Variants in ESRRG observed in about 807,000 individuals in gnomAD.
The protein encoded by ESRRG is estrogen related receptor gamma, also known as estrogen-related receptor gamma.
In ESRRG, 13 loss-of-function variants were observed where a neutral mutation model predicts 44.0. That is an observed-to-expected ratio of 0.30 (90% CI 0.19 to 0.47). The LOEUF is 0.47. Among genes scored for constraint, ESRRG ranks in the 20% least tolerant of loss-of-function variants. The pLI, the probability that ESRRG is intolerant of heterozygous loss-of-function variation, is 1.00. For missense variants in ESRRG, 395 were observed against 580.6 expected, an observed-to-expected ratio of 0.68 and a Z score of 3.29; for synonymous variants, 215 against 214.6, an observed-to-expected ratio of 1.00 and a Z score of -0.02.
chr1:216,704,305 G>A (rs574248747), intron 1 of ESRRG, among the ~76,000 whole-genome samples: 2 of 152,224 alleles, frequency 1.3e-5, no homozygotes, highest in African/African-American at 4.8e-5. Flanking sequence ...CCTGAGGTCA[G>A]GCGTTCAAGA....
chr1:217,132,237 C>T (rs1240273529), intron 1 of ESRRG, among the ~76,000 whole-genome samples: 3 of 152,124 alleles, frequency 2.0e-5, no homozygotes, highest in African/African-American at 4.8e-5. Context: ...TCCAGTGATC[C>T]TCCTGCCTTG....
intron 2 of ESRRG, among the ~76,000 whole-genome samples, chr1:216,937,293 G>C (rs1023144428): frequency 2.0e-5 from 3 of 152,112 alleles, no homozygotes; most frequent in African/African-American, 7.2e-5. Context: ...TGCCAAAAAG[G>C]TATTAAAGTA....
chr1:217,025,219 T>G (rs1334442095), intron 1 of ESRRG, among the ~76,000 whole-genome samples: 1 of 152,198 alleles, frequency 6.6e-6, no homozygotes, highest in Admixed American at 6.5e-5. Context: ...GCTTTTGTTT[T>G]CTGAAAACAA....
At chr1:216,992,897 C>A (rs2075920741) in intron 1 of ESRRG, among the ~76,000 whole-genome samples, 1 of 152,208 alleles carries the variant, frequency 6.6e-6, no homozygotes, top group African/African-American at 2.4e-5. Flanking sequence ...AGTCACTACA[C>A]AATGTCACCT....
chr1:216,764,667 T>A (rs1037144989), intron 2 of ESRRG, among the ~76,000 whole-genome samples: 4 of 152,084 alleles, frequency 2.6e-5, no homozygotes, highest in African/African-American at 4.8e-5. Flanking sequence ...TGGGACATAG[T>A]TGATTGTTAT....
At chr1:217,048,483 C>G (rs944060431) in intron 1 of ESRRG, among the ~76,000 whole-genome samples, 1 of 152,114 alleles carries the variant, frequency 6.6e-6, no homozygotes, top group Non-Finnish European at 1.5e-5. Context: ...GGCTGCATGA[C>G]CAGGCCAACA....
intron 1 of ESRRG, among the ~76,000 whole-genome samples, chr1:217,110,854 T>C (rs1398868108): frequency 6.6e-6 from 1 of 152,174 alleles, no homozygotes; most frequent in Non-Finnish European, 1.5e-5. Context: ...TGGCTTATTA[T>C]ATTGCTGACC....
chr1:216,580,989 G>A (rs1236687428), intron 3 of ESRRG, among the ~76,000 whole-genome samples: 1 of 152,182 alleles, frequency 6.6e-6, no homozygotes, highest in Non-Finnish European at 1.5e-5. Context: ...ATTGCATTAG[G>A]AAAAGATCAA....
At chr1:216,821,736 AT>A (rs1174595739) in intron 2 of ESRRG, among the ~76,000 whole-genome samples, 26 of 147,210 alleles carry the variant, frequency 1.8e-4, no homozygotes, top group Non-Finnish European at 3.1e-4. Flanking sequence ...AAATAAATAA[AT>A]AAATAAAATT....
At chr1:216,813,196 G>C (rs944212575) in intron 2 of ESRRG, among the ~76,000 whole-genome samples, 1 of 152,130 alleles carries the variant, frequency 6.6e-6, no homozygotes, top group Non-Finnish European at 1.5e-5. Flanking sequence ...TGTTAAACAC[G>C]TGATATGATC....
intron 1 of ESRRG, among the ~76,000 whole-genome samples, chr1:217,030,521 C>T (rs974685030): frequency 2.0e-5 from 3 of 152,182 alleles, no homozygotes; most frequent in Non-Finnish European, 4.4e-5. Context: ...GCTGTGTGAC[C>T]TTGAGCATAC....
chr1:217,102,717 A>G (rs539691221), intron 1 of ESRRG, among the ~76,000 whole-genome samples: 39 of 152,226 alleles, frequency 2.6e-4, no homozygotes, highest in Non-Finnish European at 5.4e-4. Context: ...TTTCTAATCC[A>G]TCATTCACAG....
chr1:216,636,902 A>T (rs535640492), intron 3 of ESRRG, among the ~76,000 whole-genome samples: 2 of 152,322 alleles, frequency 1.3e-5, no homozygotes, highest in South Asian at 2.1e-4. Context: ...TTTCTTAGGC[A>T]CCCAGGGTTT....
At chr1:216,816,024 C>T (rs1369237503) in intron 2 of ESRRG, among the ~76,000 whole-genome samples, 1 of 152,162 alleles carries the variant, frequency 6.6e-6, no homozygotes, top group Non-Finnish European at 1.5e-5. Flanking sequence ...AAAGGAACAA[C>T]GCTGCAGCTC....
At chr1:216,522,696 A>G (rs2046451283) in intron 5 of ESRRG, among the ~76,000 whole-genome samples, 1 of 152,200 alleles carries the variant, frequency 6.6e-6, no homozygotes, top group Admixed American at 6.5e-5. Flanking sequence ...TACGTTGCAC[A>G]TACATAAAAA....
intron 2 of ESRRG, among the ~76,000 whole-genome samples, chr1:216,926,648 G>A (rs2062620138): frequency 6.6e-6 from 1 of 152,122 alleles, no homozygotes; most frequent in Admixed American, 6.5e-5. Flanking sequence ...GGTCTGAGAG[G>A]GACATTGCAC....
At chr1:216,765,758 T>G (rs1261586590) in intron 2 of ESRRG, among the ~76,000 whole-genome samples, 1 of 152,064 alleles carries the variant, frequency 6.6e-6, no homozygotes, top group Non-Finnish European at 1.5e-5. Flanking sequence ...TGGAGTTGCT[T>G]TTTTTCCTAC....
chr1:216,873,953 G>C (rs1346711705), intron 2 of ESRRG, among the ~76,000 whole-genome samples: 1 of 104,718 alleles, frequency 9.5e-6, no homozygotes, highest in African/African-American at 3.7e-5. Context: ...GAAGGGGAGT[G>C]GGGGAAGAGG....
intron 5 of ESRRG, among the ~76,000 whole-genome samples, chr1:216,523,995 G>A (rs911217611): frequency 2.0e-5 from 3 of 151,708 alleles, no homozygotes; most frequent in Admixed American, 6.6e-5. Flanking sequence ...TTTCTTTCCC[G>A]TACAAATAAA....
Sources: allele counts gnomAD v4.1 joint callset (sites outside exome capture counted in the v4.1 genomes callset), GRCh38; gene constraint gnomAD v4.1.1; transcripts MANE v1.5; gene names NCBI Gene and HGNC (gene_info 2026-07-23, HGNC 2026-07-21).